Variants in IFT172 observed in about 807,000 individuals in gnomAD.
The protein encoded by IFT172 is intraflagellar transport protein 172 homolog.
In IFT172, 164 loss-of-function variants were observed where a neutral mutation model predicts 248.9. The observed-to-expected ratio is 0.66, with a 90% confidence interval of 0.58 to 0.75. IFT172 has a LOEUF of 0.75. Among genes scored for constraint, IFT172 ranks in the 30% least tolerant of loss-of-function variants. The pLI is 0.00. For synonymous variants in IFT172, 729 were observed against 791.6 expected (o/e 0.92, Z 1.33); for missense variants, 1,950 against 2,192.4 (o/e 0.89, Z 2.21).
intron 13 of IFT172, 24 bp from the exon 14 acceptor site, chr2:27,476,750 G>A: frequency 6.9e-7 from 1 of 1,444,256 alleles, no homozygotes; most frequent in Non-Finnish European, 9.7e-7. Flanking sequence ...GGTGAGGTAA[G>A]GCAAAATGGG....
At chr2:27,479,713 G>A (rs1260221912) in intron 9 of IFT172, 109 bp from the exon 10 acceptor site, 1 of 798,826 alleles carries the variant, frequency 1.3e-6, no homozygotes, top group Admixed American at 2.2e-5. Flanking sequence ...GAGAAGAGTT[G>A]GCAGTGAAAG....
At chr2:27,475,325 T>A (rs1462197522) in intron 14 of IFT172, among the ~76,000 whole-genome samples, 1 of 152,230 alleles carries the variant, frequency 6.6e-6, no homozygotes, top group African/African-American at 2.4e-5. Context: ...AGTTCCATTC[T>A]AGGCATGGAA....
chr2:27,463,786 C>T (rs1188991860), intron 18 of IFT172, among the ~76,000 whole-genome samples: 1 of 152,078 alleles, frequency 6.6e-6, no homozygotes, highest in Non-Finnish European at 1.5e-5. Context: ...GGAGAGCGAA[C>T]AGCTAGTGTT....
At position 27,454,333 on chromosome 2, in the gene IFT172, G is replaced by C. The variant is rs1257392343; in HGVS notation, c.3530+21C>G. 6.2e-7 allele frequency: 1 copy of C among 1,613,976 alleles called. No individual in the cohort carries two copies. On this transcript the variant is annotated intron_variant, in intron 32 of 47. Transcript: ENST00000260570. This position sits in a 1 kb window ranked among gnomAD's most constrained non-coding sequence, Gnocchi z 4.2. ...ACGGTGACTGGGGAAACAGTATTAA[G>C]GAATGTATGGGGTAACTCACATGAG... is the stretch of plus-strand genomic sequence containing the variant.
chr2:27,465,498 G>A lies in IFT172; in HGVS notation c.1850C>T (p.Thr617Ile). The change falls in exon 18 of 48, where the codon ACT (threonine) becomes ATT (isoleucine). Residue 617 changes from threonine to isoleucine, a missense_variant. Thr to Ile is a moderately conservative substitution (Grantham distance 89, BLOSUM62 -1). Around this residue, in one of 3 missense-constraint regions of IFT172, gnomAD observed 1,166 missense variants for 1,254.1 expected, o/e 0.93. Coordinates refer to ENST00000260570, the MANE Select transcript of IFT172 (RefSeq NM_015662.3). The part of the protein sequence containing the change: ...NYIRATAFLE[T>I]LEMTPETEAM... ...CTCTGTTTCTGGGGTCATTTCCAGA[G>A]TCTCTAAGAAGGCTGTTGCCCTGGA... The A allele has an allele frequency of 6.2e-7, 1 of 1,614,088 alleles. No individual in the cohort carries two copies. The highest frequency in any genetic ancestry group is 1.7e-5 in the Admixed American group (1 of 60,002).
At position 27,472,495 on chromosome 2, in the gene IFT172, T is replaced by C. The variant is rs562472700; in HGVS notation, c.1412-133A>G. 15 of 670,090 alleles carry C rather than the reference T, an allele frequency of 2.2e-5. No individual in the cohort carries two copies. In the East Asian group the frequency reaches 2.6e-4, roughly 12 times the overall value. 41.5% of individuals were successfully genotyped at this position (670,090 alleles called of 1,614,324 possible). A position where few individuals can be genotyped will look rare whatever the true frequency, so the allele number is the denominator to read the frequency against. Reference sequence around the variant, plus strand: ...GAATTGTAGAGGTTTTGTTTAACTATGTTGTTAACTCAAAAGGTCCAGACC... The same window carrying C: ...GAATTGTAGAGGTTTTGTTTAACTACGTTGTTAACTCAAAAGGTCCAGACC... On this transcript the variant is annotated intron_variant, in intron 14 of 47. Coordinates refer to ENST00000260570, the MANE Select transcript of IFT172 (RefSeq NM_015662.3).
At chr2:27,476,795 A>G in intron 13 of IFT172, 69 bp from the exon 14 acceptor site, 1 of 861,888 alleles carries the variant, frequency 1.2e-6, no homozygotes, top group Non-Finnish European at 2.0e-6. Context: ...AAGGCTCTGA[A>G]GTACCATATG....
chr2:27,450,892 G>T (rs1665609136), intron 35 of IFT172, among the ~76,000 whole-genome samples: 1 of 151,238 alleles, frequency 6.6e-6, no homozygotes, highest in Non-Finnish European at 1.5e-5. Context: ...GCGCCCAGAT[G>T]AAATGGTGTA....
chr2:27,481,688 G>C (rs1338355961), intron 7 of IFT172, among the ~76,000 whole-genome samples: 1 of 151,816 alleles, frequency 6.6e-6, no homozygotes, highest in Non-Finnish European at 1.5e-5. Context: ...TTACAGGTGT[G>C]TGCCACCATA....
intron 13 of IFT172, 97 bp from the exon 14 acceptor site, chr2:27,476,823 AT>A (rs1667989198): frequency 2.9e-6 from 2 of 692,590 alleles, no homozygotes; most frequent in Middle Eastern, 2.6e-4. Context: ...GCTTTTATTT[AT>A]TTATTTATTT....
intron 42 of IFT172, 75 bp from the exon 43 acceptor site, chr2:27,446,430 A>G: frequency 1.5e-6 from 2 of 1,294,218 alleles, no homozygotes; most frequent in Non-Finnish European, 2.2e-6. Flanking sequence ...CCTGTAAGGC[A>G]GCCACAGAAC....
Position 27,476,922 on chromosome 2 carries a change from C to T in IFT172, c.1326-196G>A, listed in dbSNP as rs56047188. 32,349 of 589,842 alleles carry T rather than the reference C, an allele frequency of 0.055. 1,111 individuals are homozygous for T. The highest frequency in any genetic ancestry group is 0.11 in the African/African-American group (5,908 of 53,332). 36.5% of individuals were successfully genotyped at this position (589,842 alleles called of 1,614,324 possible). A position where few individuals can be genotyped will look rare whatever the true frequency, so the allele number is the denominator to read the frequency against. On this transcript the variant is annotated intron_variant, in intron 13 of 47. Coordinates refer to ENST00000260570, the MANE Select transcript of IFT172 (RefSeq NM_015662.3). ...ACTACAGCTTTGACTTCCCAGGCTC[C>T]GGGTGATTCTCCTACCTCACCTTCC...
chr2:27,458,619 C>T (rs1666373080), intron 26 of IFT172, among the ~76,000 whole-genome samples, 160 bp downstream of exon 26: 1 of 152,190 alleles, frequency 6.6e-6, no homozygotes. Context: ...TTCATCCCTT[C>T]CTTTCCCTAT....
At chr2:27,459,871 A>T (rs752584738) in intron 23 of IFT172, 42 bp from the exon 24 acceptor site, 2 of 1,603,074 alleles carry the variant, frequency 1.2e-6, no homozygotes, top group African/African-American at 2.7e-5. Context: ...ATTTCCAGGG[A>T]TGGGCCTCAG....
Position 27,472,338 on chromosome 2 carries a change from ATGT to A in IFT172, c.1433_1435del (p.Asn478del). The stretch of plus-strand genomic sequence containing the variant: ...ACGGCTCTCATGGCTGACGGTGCCA[ATGT>A]TGTAGCCACCAATCAGATCCACTAT... On this transcript the variant is annotated inframe_deletion, in exon 15 of 48. Coordinates refer to ENST00000260570, the MANE Select transcript of IFT172 (RefSeq NM_015662.3). 6.2e-7 allele frequency: 1 copy of A among 1,614,104 alleles called. No individual in the cohort carries two copies.
chr2:27,478,869 CA>C (rs1373128690), intron 10 of IFT172, among the ~76,000 whole-genome samples: 1 of 152,164 alleles, frequency 6.6e-6, no homozygotes, highest in Non-Finnish European at 1.5e-5. Context: ...ACAGTGAGCT[CA>C]GAGGCCTTAA....
At chr2:27,472,445 TG>T in intron 14 of IFT172, 83 bp from the exon 15 acceptor site, 2 of 1,097,558 alleles carry the variant, frequency 1.8e-6, no homozygotes, top group Non-Finnish European at 2.7e-6. Flanking sequence ...TTTGCTAGGA[TG>T]CCTAGGAAGC....
rs750714236 is a variant in IFT172 at position 27,459,549 on chromosome 2, A to T, written c.2643-27T>A. Reference sequence around the variant, plus strand: ...TGGCAAAGTTGGGAAAGATATAAATATGTAGGATGAAAGATGAAGATGAAT... The same window carrying T: ...TGGCAAAGTTGGGAAAGATATAAATTTGTAGGATGAAAGATGAAGATGAAT... On this transcript the variant is annotated intron_variant, in intron 24 of 47. Transcript: ENST00000260570. 1.2e-5 allele frequency: 20 copies of T among 1,612,710 alleles called. No individual in the cohort carries two copies. The Admixed American group carries it at 3.3e-4, about 27-fold the overall frequency.
At chr2:27,481,969 A>G (rs191404961) in intron 7 of IFT172, among the ~76,000 whole-genome samples, 107 of 151,302 alleles carry the variant, frequency 7.1e-4, no homozygotes, top group Non-Finnish European at 1.2e-3. Flanking sequence ...AAATTTCAGT[A>G]TTATACGAAT....
Sources: allele counts gnomAD v4.1 joint callset (sites outside exome capture counted in the v4.1 genomes callset), GRCh38; gene constraint gnomAD v4.1.1; regional missense constraint gnomAD v4.1.1; non-coding constraint Gnocchi (gnomAD v3.1); transcripts MANE v1.5; gene names NCBI Gene and HGNC (gene_info 2026-07-23, HGNC 2026-07-21).